EEA1: variants seen among roughly 807,000 people sequenced by gnomAD.
The protein encoded by EEA1 is early endosome antigen 1.
Under a neutral mutation model 209.2 loss-of-function variants are expected in EEA1, and 111 were observed. The observed-to-expected ratio is 0.53, with a 90% CI of 0.45 to 0.62. EEA1 has a LOEUF of 0.62. EEA1 is among the 20% of genes least tolerant of loss of function. EEA1 has a pLI of 0.00. For missense variants in EEA1, 1,343 were observed against 1,530.8 expected (o/e 0.88, Z 2.05); for synonymous variants, 536 against 540.6 (o/e 0.99, Z 0.12).
chr12:92,835,781 C>CA (rs1187981100), intron 10 of EEA1, among the ~76,000 whole-genome samples: 2 of 151,872 alleles, frequency 1.3e-5, no homozygotes, highest in Non-Finnish European at 2.9e-5. Flanking sequence ...TGCCTTGTCC[C>CA]AAAAAAATTA....
At chr12:92,882,008 T>C (rs1432572073) in intron 2 of EEA1, among the ~76,000 whole-genome samples, 2 of 152,166 alleles carry the variant, frequency 1.3e-5, no homozygotes, top group Non-Finnish European at 2.9e-5. Flanking sequence ...ATGAAGACCT[T>C]TATGACCTTC....
chr12:92,795,281 T>A (rs11106700), intron 21 of EEA1, among the ~76,000 whole-genome samples: 52,821 of 152,080 alleles, frequency 0.35, 10,796 homozygotes, highest in East Asian at 0.88. Flanking sequence ...CAACATCAAC[T>A]CAAATCTCTT....
chr12:92,928,786 G>C (rs1355314459), intron 1 of EEA1, among the ~76,000 whole-genome samples: 1 of 151,788 alleles, frequency 6.6e-6, no homozygotes, highest in Non-Finnish European at 1.5e-5. Context: ...CAGCCCGCTC[G>C]CACACACGGA....
intron 10 of EEA1, among the ~76,000 whole-genome samples, chr12:92,833,623 G>A (rs552426057): frequency 2.1e-4 from 32 of 152,240 alleles, no homozygotes; most frequent in African/African-American, 7.5e-4. Context: ...AAGACATCCA[G>A]CCAGGATAAG....
chr12:92,925,291 T>C (rs1881171352), intron 1 of EEA1, among the ~76,000 whole-genome samples: 1 of 152,170 alleles, frequency 6.6e-6, no homozygotes, highest in Admixed American at 6.5e-5. Flanking sequence ...CTTGGCTCAC[T>C]GCAACCTCTG....
In EEA1 at chr12:92,774,766, A is replaced by C. The variant is rs539334520; in HGVS notation, c.*1245T>G. Reference sequence around the variant, plus strand: ...AGTTACTTAAAGGGAATTTCACAACATTATTTTTGCAAAGTTAAAATTAAA... The same window carrying C: ...AGTTACTTAAAGGGAATTTCACAACCTTATTTTTGCAAAGTTAAAATTAAA... On this transcript the variant is annotated 3_prime_UTR_variant, in exon 29 of 29. Coordinates refer to ENST00000322349, the MANE Select transcript of EEA1 (RefSeq NM_003566.4). 6 of 151,784 alleles carry C rather than the reference A, an allele frequency of 4.0e-5. No homozygotes were observed. The highest frequency in any genetic ancestry group is 3.9e-4 in the Admixed American group (6 of 15,220). The allele number at this position is 151,784 out of a possible 1,614,324, so 9.4% of individuals were successfully genotyped here.
intron 13 of EEA1, chr12:92,820,961 T>C (rs11106710): frequency 0.28 from 42,396 of 151,858 alleles, 6,323 homozygotes; most frequent in Non-Finnish European, 0.32. Context: ...TTACTCTCTC[T>C]CTCATGTGAA....
chr12:92,918,964 A>G (rs1309417798), intron 1 of EEA1, among the ~76,000 whole-genome samples: 1 of 133,954 alleles, frequency 7.5e-6, no homozygotes, highest in Non-Finnish European at 1.6e-5. Flanking sequence ...AATACTACAA[A>G]CACCTCTACG....
intron 16 of EEA1, 27 bp downstream of exon 16, chr12:92,812,953 A>G (rs772887782): frequency 3.9e-5 from 56 of 1,452,222 alleles, no homozygotes; most frequent in Non-Finnish European, 5.3e-5. Context: ...ACTAGGTGAT[A>G]GTATGAAATT....
rs1467286868 is a variant in EEA1 at position 92,776,104 on chromosome 12, G to A, written c.4143C>T (p.Phe1381=). ...CATTTTTGGCTGAACATTCAGCACA[G>A]AAGATATTTCCACACTGTCGGCAGT... is the stretch of plus-strand genomic sequence containing the variant. ...RHHCRQCGNI[F]CAECSAKNAL... The change falls in exon 29 of 29, where the codon TTC becomes TTT. Residue 1381 remains phenylalanine, a synonymous_variant. Transcript: ENST00000322349. The A allele has an allele frequency of 6.2e-7, 1 of 1,610,080 alleles. No individual in the cohort carries two copies. The highest frequency in any genetic ancestry group is 1.1e-5 in the South Asian group (1 of 90,624).
rs560035036 is a variant in EEA1, at chr12:92,928,957, G to A, written c.24+86C>T. ...TGGGGCCTAGGGAAGGAAGGAGCCC[G>A]CGCTGAGGAGGGGCGCCCGCGCCGC... On this transcript the variant is annotated intron_variant, in intron 1 of 28. Transcript: ENST00000322349. 207 of 1,417,852 alleles carry A rather than the reference G, an allele frequency of 1.5e-4. 1 individual carries two copies. In the South Asian group the frequency reaches 2.5e-3, roughly 17 times the overall value. 87.8% of individuals were successfully genotyped at this position (1,417,852 alleles called of 1,614,324 possible). A position where few individuals can be genotyped will look rare whatever the true frequency, so the allele number is the denominator to read the frequency against.
At chr12:92,916,724 A>G (rs1880775323) in intron 1 of EEA1, among the ~76,000 whole-genome samples, 1 of 126,898 alleles carries the variant, frequency 7.9e-6, no homozygotes, top group Non-Finnish European at 1.7e-5. Context: ...CTCACCAGCA[A>G]CAGAACAAAG....
chr12:92,811,572 T>C (rs546139171), intron 16 of EEA1, 138 bp from the exon 17 acceptor site: 5 of 497,246 alleles, frequency 1.0e-5, no homozygotes, highest in African/African-American at 1.0e-4. Context: ...TCTAATGATA[T>C]ATCAGAGGCT....
intron 13 of EEA1, among the ~76,000 whole-genome samples, chr12:92,822,291 T>C (rs961074369): frequency 3.3e-5 from 5 of 152,188 alleles, no homozygotes; most frequent in Non-Finnish European, 7.4e-5. Context: ...CTCTCCAGTT[T>C]CTGTCCAGTG....
intron 24 of EEA1, 97 bp from the exon 25 acceptor site, chr12:92,779,397 T>C (rs992252644): frequency 3.2e-5 from 36 of 1,122,760 alleles, no homozygotes; most frequent in Non-Finnish European, 4.0e-5. Context: ...AGATCAAATA[T>C]AGGTTTTACC....
intron 6 of EEA1, among the ~76,000 whole-genome samples, chr12:92,853,697 T>C (rs1592737723): frequency 6.6e-6 from 1 of 152,162 alleles, no homozygotes; most frequent in Non-Finnish European, 1.5e-5. Context: ...CTTCAAAATA[T>C]AATGAACTAA....
At chr12:92,847,760 G>C (rs755293906) in intron 9 of EEA1, among the ~76,000 whole-genome samples, 9 of 152,092 alleles carry the variant, frequency 5.9e-5, no homozygotes, top group Non-Finnish European at 1.0e-4. Context: ...TTTATATTAG[G>C]TGTGACCTTG....
intron 1 of EEA1, among the ~76,000 whole-genome samples, chr12:92,921,759 G>GAAAAAAAA (rs751838383): frequency 3.9e-5 from 3 of 76,712 alleles, no homozygotes; most frequent in East Asian, 5.5e-4. Context: ...TAAAAAAAAA[G>GAAAAAAAA]AAAAAAAAAA....
intron 21 of EEA1, among the ~76,000 whole-genome samples, chr12:92,793,085 T>C (rs971382037): frequency 1.3e-5 from 2 of 152,150 alleles, no homozygotes; most frequent in Non-Finnish European, 2.9e-5. Flanking sequence ...TCAACAGCCT[T>C]CATGCTAAAA....
Sources: gnomAD v4.1 joint callset for allele counts (sites outside exome capture counted in the v4.1 genomes callset) on GRCh38, gnomAD v4.1.1 for gene constraint, MANE v1.5 for transcripts, NCBI Gene and HGNC (gene_info 2026-07-23, HGNC 2026-07-21) for gene names.